CACNA1C: variants seen among roughly 807,000 people sequenced by gnomAD.
CACNA1C encodes the protein voltage-dependent L-type calcium channel subunit alpha-1C.
CACNA1C carries 30 observed loss-of-function variants against 229.0 expected under a neutral mutation model. The ratio of observed to expected loss-of-function variants is 0.13; its 90% confidence interval spans 0.10 to 0.18. CACNA1C has a LOEUF of 0.18. CACNA1C is among the 10% of genes least tolerant of loss of function. The pLI, the probability that CACNA1C is intolerant of heterozygous loss-of-function variation, is 1.00. For synonymous variants in CACNA1C, 1,114 were observed against 1,132.5 expected, an observed-to-expected ratio of 0.98 and a Z score of 0.33; for missense variants, 1,658 against 2,845.0, an observed-to-expected ratio of 0.58 and a Z score of 9.49.
At chr12:2,335,276 TC>T (rs1448129563) in intron 3 of CACNA1C, among the ~76,000 whole-genome samples, 1 of 152,108 alleles carries the variant, frequency 6.6e-6, no homozygotes. Context: ...AGTGGTCTCT[TC>T]CGCCATGCCT....
chr12:2,644,093 G>C (rs1318926575), intron 30 of CACNA1C, among the ~76,000 whole-genome samples: 3 of 152,158 alleles, frequency 2.0e-5, no homozygotes, highest in Admixed American at 2.0e-4. Context: ...TATAGCAAGG[G>C]TTCTGTAGCA....
At chr12:2,572,961 TCCTCTC>T (rs1218543708) in intron 13 of CACNA1C, among the ~76,000 whole-genome samples, 9 of 56,386 alleles carry the variant, frequency 1.6e-4, no homozygotes, top group East Asian at 1.4e-3. Context: ...TTCCTCTTCC[TCCTCTC>T]CTCCTCCTCC....
chr12:2,306,778 C>G (rs1385325914), intron 3 of CACNA1C, among the ~76,000 whole-genome samples: 1 of 152,198 alleles, frequency 6.6e-6, no homozygotes, highest in East Asian at 1.9e-4. Flanking sequence ...TTCTCAGGAT[C>G]TTTGATATGC....
At chr12:2,536,253 C>A (rs2099854907) in intron 9 of CACNA1C, among the ~76,000 whole-genome samples, 1 of 152,232 alleles carries the variant, frequency 6.6e-6, no homozygotes, top group Admixed American at 6.5e-5. Flanking sequence ...GTGAGCTCTG[C>A]ATAGCTTTGT....
chr12:2,096,440 G>A (rs1327309578), intron 1 of CACNA1C, among the ~76,000 whole-genome samples: 1 of 152,112 alleles, frequency 6.6e-6, no homozygotes, highest in Non-Finnish European at 1.5e-5. Context: ...CCTTCCTGAA[G>A]GACAGCTTCC....
intron 34 of CACNA1C, among the ~76,000 whole-genome samples, chr12:2,663,554 G>A (rs180722333): frequency 6.6e-6 from 1 of 152,234 alleles, no homozygotes; most frequent in East Asian, 1.9e-4. Flanking sequence ...GCAAAATGAT[G>A]TAATGGACTT....
chr12:2,216,884 C>A (rs2060112443), intron 3 of CACNA1C, among the ~76,000 whole-genome samples: 1 of 152,328 alleles, frequency 6.6e-6, no homozygotes. Flanking sequence ...GATTTTAATT[C>A]ACAGCGGCAC....
intron 1 of CACNA1C, among the ~76,000 whole-genome samples, chr12:1,990,881 C>A (rs950325172): frequency 3.9e-5 from 6 of 151,974 alleles, no homozygotes; most frequent in Non-Finnish European, 8.8e-5. Flanking sequence ...CTGTGGTAAA[C>A]CCTTCTGTGT....
intron 13 of CACNA1C, among the ~76,000 whole-genome samples, chr12:2,571,063 G>T (rs1346018976): frequency 1.3e-5 from 2 of 152,226 alleles, no homozygotes; most frequent in African/African-American, 4.8e-5. Context: ...GCCTACGAAT[G>T]TTAGCTTGAG....
At chr12:2,063,223 C>G (rs1382852963) in intron 1 of CACNA1C, among the ~76,000 whole-genome samples, 1 of 150,426 alleles carries the variant, frequency 6.6e-6, no homozygotes, top group Admixed American at 6.7e-5. Flanking sequence ...ACGATCTCGT[C>G]TCACTGCAAC....
At chr12:2,470,519 G>T (rs192391790) in intron 5 of CACNA1C, among the ~76,000 whole-genome samples, 1 of 152,102 alleles carries the variant, frequency 6.6e-6, no homozygotes, top group Non-Finnish European at 1.5e-5. Flanking sequence ...TGATTCTCTC[G>T]TGCTGATTCA....
intron 9 of CACNA1C, among the ~76,000 whole-genome samples, chr12:2,519,889 A>G (rs570653202): frequency 4.6e-5 from 7 of 152,246 alleles, no homozygotes; most frequent in Non-Finnish European, 1.0e-4. Flanking sequence ...CTGCTGTGCT[A>G]TCTGGCCCCG....
intron 9 of CACNA1C, among the ~76,000 whole-genome samples, chr12:2,535,376 G>A (rs1232626157): frequency 7.0e-6 from 1 of 143,706 alleles, no homozygotes; most frequent in Non-Finnish European, 1.5e-5. Context: ...ACAACAGAGT[G>A]AGGCCCTGTC....
intron 3 of CACNA1C, among the ~76,000 whole-genome samples, chr12:2,338,088 C>A (rs2096753983): frequency 6.6e-6 from 1 of 152,152 alleles, no homozygotes; most frequent in African/African-American, 2.4e-5. Flanking sequence ...CCCCTCACTA[C>A]CCCCAGCATG....
At chr12:2,379,616 G>T (rs917568749) in intron 3 of CACNA1C, among the ~76,000 whole-genome samples, 1 of 152,082 alleles carries the variant, frequency 6.6e-6, no homozygotes, top group African/African-American at 2.4e-5. Context: ...GGTGAGGAAG[G>T]GATGCAAGCC....
At position 2,688,440 on chromosome 12, in the gene CACNA1C, T is replaced by C. The variant is rs765818068; in HGVS notation, c.5785-7T>C. The stretch of plus-strand genomic sequence containing the variant: ...CCTATTAACTCACACTCCTTGTGTG[T>C]CCGCAGGCATTGGCAGTGGCAGGCC... On this transcript the variant is annotated splice_region_variant and splice_polypyrimidine_tract_variant and intron_variant, in intron 45 of 46. Coordinates refer to ENST00000399655, the MANE Select transcript of CACNA1C (RefSeq NM_000719.7). 1 of 1,613,658 alleles carries C rather than the reference T, an allele frequency of 6.2e-7. No homozygotes were observed.
chr12:2,370,867 C>T (rs770579702), intron 3 of CACNA1C, among the ~76,000 whole-genome samples: 20 of 152,220 alleles, frequency 1.3e-4, no homozygotes, highest in Non-Finnish European at 2.5e-4. Flanking sequence ...TGGCAGTCTG[C>T]GGTGTCCAGG....
chr12:2,653,792 T>C lies in CACNA1C; in HGVS notation c.4075-43T>C. On this transcript the variant is annotated intron_variant, in intron 32 of 46. Coordinates refer to ENST00000399655, the MANE Select transcript of CACNA1C (RefSeq NM_000719.7). This position sits in a 1 kb window ranked among gnomAD's most constrained non-coding sequence, Gnocchi z 4.7. ...TCCCTGGGAAGGGGCCCAGCTGGCCTCTGCACTCCAGCCTCATGGGAGTCT... is the reference window on the plus strand; with the variant it reads ...TCCCTGGGAAGGGGCCCAGCTGGCCCCTGCACTCCAGCCTCATGGGAGTCT... 6.3e-7 allele frequency: 1 copy of C among 1,578,650 alleles called. No homozygotes were observed. The highest frequency in any genetic ancestry group is 8.7e-7 in the Non-Finnish European group (1 of 1,148,744).
rs985145412 is a variant in CACNA1C at position 2,181,991 on chromosome 12, G to T, written c.477+61561G>T. The stretch of plus-strand genomic sequence containing the variant: ...TATGGGTTCAATAGGGAGCTCTTCA[G>T]AAATGGAACATGTTGAGAGGCCAGG... On this transcript the variant is annotated intron_variant, in intron 3 of 46. Transcript: ENST00000399655. This position sits in a 1 kb window ranked among gnomAD's most constrained non-coding sequence, Gnocchi z 4.0. Among the ~76,000 whole-genome samples the T allele has an allele frequency of 7.9e-5, 12 of 152,018 alleles. No individual in the cohort carries two copies. The highest frequency in any genetic ancestry group is 2.7e-4 in the African/African-American group (11 of 41,386).
Sources: gnomAD v4.1 joint callset for allele counts (sites outside exome capture counted in the v4.1 genomes callset) on GRCh38, gnomAD v4.1.1 for gene constraint, Gnocchi (gnomAD v3.1) non-coding constraint, MANE v1.5 for transcripts, NCBI Gene and HGNC (gene_info 2026-07-23, HGNC 2026-07-21) for gene names.